Variants in AGBL1 observed in about 807,000 individuals in gnomAD.
The protein encoded by AGBL1 is cytosolic carboxypeptidase 4.
A neutral mutation model predicts 118.9 loss-of-function variants in AGBL1; 130 were observed. The observed-to-expected ratio is 1.09, with a 90% CI of 0.95 to 1.26. AGBL1 has a LOEUF of 1.26. Among genes scored for constraint, AGBL1 ranks in the 50% most tolerant of loss-of-function variants. The pLI, the probability that AGBL1 is intolerant of heterozygous loss-of-function variation, is 0.00. For missense variants in AGBL1, 1,584 were observed against 1,298.1 expected, an observed-to-expected ratio of 1.22 and a Z score of -3.38; for synonymous variants, 555 against 478.9, an observed-to-expected ratio of 1.16 and a Z score of -2.08.
intron 21 of AGBL1, chr15:86,631,235 C>T (rs2084958984): frequency 1.3e-5 from 2 of 152,164 alleles, no homozygotes; most frequent in African/African-American, 2.4e-5. Context: ...CTTTCAAGTC[C>T]CTGGGAGAAT....
At chr15:86,509,743 C>A (rs138450462) in intron 18 of AGBL1, among the ~76,000 whole-genome samples, 1 of 152,086 alleles carries the variant, frequency 6.6e-6, no homozygotes, top group African/African-American at 2.4e-5. Flanking sequence ...GTCACTGACA[C>A]TTTGTCTTTT....
At chr15:86,091,700 C>T (rs1021493792) in intron 1 of AGBL1, among the ~76,000 whole-genome samples, 9 of 152,188 alleles carry the variant, frequency 5.9e-5, no homozygotes, top group African/African-American at 2.4e-5. Context: ...CCCAGGTATA[C>T]ACTTCTTGGG....
chr15:86,631,278 G>A (rs1257961544), intron 21 of AGBL1: 1 of 151,902 alleles, frequency 6.6e-6, no homozygotes, highest in Admixed American at 6.6e-5. Context: ...GCTTCCTTAG[G>A]AGGAAGTAGG....
At chr15:86,226,295 A>T (rs2078361839) in intron 6 of AGBL1, among the ~76,000 whole-genome samples, 1 of 152,158 alleles carries the variant, frequency 6.6e-6, no homozygotes, top group Admixed American at 6.5e-5. Flanking sequence ...TGAAGCACCA[A>T]GGTGAGGGGG....
chr15:86,710,390 C>T (rs557279909), intron 22 of AGBL1, among the ~76,000 whole-genome samples: 1 of 152,232 alleles, frequency 6.6e-6, no homozygotes, highest in South Asian at 2.1e-4. Flanking sequence ...AATAACATCC[C>T]ATTATTTTTA....
chr15:86,674,298 T>G lies in AGBL1; in HGVS notation c.3020T>G (p.Leu1007Arg), dbSNP rs368320952. 6.2e-7 allele frequency: 1 copy of G among 1,611,676 alleles called. No homozygotes were observed. The highest frequency in any genetic ancestry group is 2.2e-5 in the East Asian group (1 of 44,712). The change falls in exon 22 of 23, where the codon CTG becomes CGG. Residue 1007 changes from leucine (L) to arginine (R), a missense_variant. By Grantham distance (102) the Leu-to-Arg change is moderately radical. Transcript: ENST00000614907. ...YQGLQFGTRELEEMGAMFCLG... is the reference protein window; with the variant it reads ...YQGLQFGTREREEMGAMFCLG... ...GGTCTACAGTTTGGTACCAGAGAAC[T>G]GGAGGAGATGGGAGCCATGTTCTGT...
chr15:86,621,985 A>G (rs1390765844), intron 21 of AGBL1, among the ~76,000 whole-genome samples: 1 of 152,184 alleles, frequency 6.6e-6, no homozygotes, highest in Non-Finnish European at 1.5e-5. Flanking sequence ...ATTAGAAACC[A>G]GCTTCCCTCT....
intron 9 of AGBL1, chr15:86,262,564 A>G (rs927661873): frequency 3.3e-6 from 2 of 613,836 alleles, no homozygotes; most frequent in East Asian, 6.2e-5. Context: ...ATAAATACTG[A>G]CATAAATGCT....
chr15:86,951,546 G>A (rs1166844533), intron 23 of AGBL1, among the ~76,000 whole-genome samples: 3 of 152,186 alleles, frequency 2.0e-5, no homozygotes, highest in Admixed American at 1.3e-4. Flanking sequence ...AATGTTGAGT[G>A]AAAGGAGATG....
chr15:86,289,344 A>T (rs1195211122), intron 16 of AGBL1, among the ~76,000 whole-genome samples: 1 of 151,414 alleles, frequency 6.6e-6, no homozygotes, highest in Non-Finnish European at 1.5e-5. Context: ...TCATTTTTTC[A>T]TCCTCAGGGT....
intron 22 of AGBL1, among the ~76,000 whole-genome samples, chr15:86,839,112 G>A (rs1267394220): frequency 6.6e-6 from 1 of 151,928 alleles, no homozygotes; most frequent in Non-Finnish European, 1.5e-5. Flanking sequence ...GCAGAGAGAG[G>A]AGAAATACTG....
At chr15:86,967,577 T>C (rs1282196874) in intron 23 of AGBL1, among the ~76,000 whole-genome samples, 2 of 152,154 alleles carry the variant, frequency 1.3e-5, no homozygotes, top group African/African-American at 4.8e-5. Flanking sequence ...ATTTATTAAA[T>C]AGGGAATCGT....
chr15:86,679,766 T>C (rs1275336104), intron 22 of AGBL1, among the ~76,000 whole-genome samples: 1 of 152,190 alleles, frequency 6.6e-6, no homozygotes, highest in Non-Finnish European at 1.5e-5. Flanking sequence ...CCAGATTAGA[T>C]GATTAATTTT....
intron 15 of AGBL1, among the ~76,000 whole-genome samples, chr15:86,278,711 T>G (rs1252990006): frequency 1.3e-5 from 2 of 152,190 alleles, no homozygotes; most frequent in African/African-American, 4.8e-5. Flanking sequence ...GAATTACATC[T>G]TGGTGTCCGG....
chr15:86,460,288 C>A (rs141855175), intron 18 of AGBL1, among the ~76,000 whole-genome samples: 10 of 123,738 alleles, frequency 8.1e-5, no homozygotes, highest in African/African-American at 3.0e-4. Flanking sequence ...TCCAGATCAA[C>A]CTGGGCAACA....
chr15:86,943,484 G>A (rs543357832), intron 23 of AGBL1, among the ~76,000 whole-genome samples: 1 of 152,216 alleles, frequency 6.6e-6, no homozygotes, highest in African/African-American at 2.4e-5. Context: ...GGGTTTTACA[G>A]ACGACCTTGA....
intron 23 of AGBL1, among the ~76,000 whole-genome samples, chr15:86,931,392 G>C (rs1054074094): frequency 6.6e-6 from 1 of 152,220 alleles, no homozygotes. Context: ...CTTGCTTGGC[G>C]CCTTGCAGAT....
chr15:86,987,566 T>C (rs1287542075), intron 23 of AGBL1, among the ~76,000 whole-genome samples: 1 of 152,154 alleles, frequency 6.6e-6, no homozygotes, highest in Non-Finnish European at 1.5e-5. Context: ...TTTAATTAGT[T>C]TTATCAGGTT....
Position 86,099,798 on chromosome 15 carries a change from T to C in AGBL1, c.51+19775T>C, listed in dbSNP as rs776645281. On this transcript the variant is annotated intron_variant, in intron 1 of 22. Coordinates refer to ENST00000614907, the MANE Select transcript of AGBL1 (RefSeq NM_001386094.1). ...ATGCTGGGATTACAGGTGTGAGCCA[T>C]CATGCCTGGTTCCAATTAGATGCCT... Among the ~76,000 whole-genome samples, 35 of 152,236 alleles carry C rather than the reference T, an allele frequency of 2.3e-4. 1 individual carries two copies. The highest frequency in any genetic ancestry group is 3.4e-3 in the Middle Eastern group (1 of 294).
Sources: gnomAD v4.1 joint callset for allele counts (sites outside exome capture counted in the v4.1 genomes callset) on GRCh38, gnomAD v4.1.1 for gene constraint, MANE v1.5 for transcripts, NCBI Gene and HGNC (gene_info 2026-07-23, HGNC 2026-07-21) for gene names.